Variants in RAB44 observed in about 807,000 individuals in gnomAD.
RAB44 encodes ras-related protein Rab-44.
In RAB44, 67 loss-of-function variants were observed where a neutral mutation model predicts 93.3. The ratio of observed to expected loss-of-function variants is 0.72; its 90% CI spans 0.59 to 0.88. RAB44 has a LOEUF of 0.88. RAB44 is among the 40% of genes least tolerant of loss of function. The pLI is 0.00. For synonymous variants in RAB44, 427 were observed against 520.3 expected (o/e 0.82, Z 2.44); for missense variants, 1,064 against 1,261.7 (o/e 0.84, Z 2.37).
intron 8 of RAB44, 76 bp from the exon 9 acceptor site, chr6:36,721,075 G>A (rs1763062601): frequency 1.6e-6 from 2 of 1,213,820 alleles, no homozygotes; most frequent in South Asian, 4.2e-5. Context: ...AAGGGATGGT[G>A]AGGGCTGCAG....
At chr6:36,712,897 A>C (rs1333121585) in intron 2 of RAB44, among the ~76,000 whole-genome samples, 1 of 152,220 alleles carries the variant, frequency 6.6e-6, no homozygotes, top group Non-Finnish European at 1.5e-5. Context: ...GGCCTCAGAT[A>C]AAAACACGAA....
intron 12 of RAB44, among the ~76,000 whole-genome samples, chr6:36,729,335 G>T (rs770378833): frequency 6.6e-6 from 1 of 152,056 alleles, no homozygotes; most frequent in African/African-American, 2.4e-5. Context: ...TAAAAATAGA[G>T]GGAAAAATCA....
At chr6:36,698,138 G>C (rs1762426903) in intron 1 of RAB44, among the ~76,000 whole-genome samples, 1 of 152,204 alleles carries the variant, frequency 6.6e-6, no homozygotes, top group African/African-American at 2.4e-5. Flanking sequence ...GTGTGACCTA[G>C]GGCAAGTCAC....
intron 3 of RAB44, among the ~76,000 whole-genome samples, chr6:36,714,582 G>T (rs767651665): frequency 2.0e-5 from 3 of 152,330 alleles, no homozygotes; most frequent in South Asian, 4.1e-4. Flanking sequence ...CTGCATTTGC[G>T]CTTGGGCCCA....
chr6:36,704,588 T>C, intron 2 of RAB44, 146 bp downstream of exon 2: 2 of 709,240 alleles, frequency 2.8e-6, no homozygotes, highest in Non-Finnish European at 4.6e-6. Context: ...GATGTGTTTA[T>C]ACTAATGTGA....
intron 2 of RAB44, among the ~76,000 whole-genome samples, chr6:36,706,148 C>T (rs1171462468): frequency 1.3e-5 from 2 of 152,176 alleles, no homozygotes; most frequent in Non-Finnish European, 2.9e-5. Context: ...AATCCCCCCA[C>T]CTCAGGTTTC....
chr6:36,713,958 G>C lies in RAB44; in HGVS notation c.319+19G>C. 6.9e-7 allele frequency: 1 copy of C among 1,454,048 alleles called. No homozygotes were observed. The highest frequency in any genetic ancestry group is 1.2e-5 in the South Asian group (1 of 82,444). The allele number at this position is 1,454,048 out of a possible 1,614,324, so 90.1% of individuals were successfully genotyped here. Reference sequence around the variant, plus strand: ...GGACTCAGTATGTCTGTCTTTGGAGGGCCTCTGGGCACCCAGGTGTTCCGT... The same window carrying C: ...GGACTCAGTATGTCTGTCTTTGGAGCGCCTCTGGGCACCCAGGTGTTCCGT... On this transcript the variant is annotated intron_variant, in intron 3 of 13. Transcript: ENST00000612677.
At chr6:36,714,018 T>A in intron 3 of RAB44, 79 bp downstream of exon 3, 1 of 907,190 alleles carries the variant, frequency 1.1e-6, no homozygotes, top group Non-Finnish European at 1.7e-6. Context: ...GCTGGGTCGT[T>A]AGAAAGGCAA....
In RAB44 at chr6:36,720,495, G is replaced by A. The variant is rs1763046144; in HGVS notation, c.961G>A (p.Gly321Arg). The change falls in exon 8 of 14, where the codon GGG becomes AGG. Residue 321 changes from glycine (G) to arginine (R), a missense_variant. By Grantham distance (125) the Gly-to-Arg change is moderately radical (BLOSUM62 -2). Transcript: ENST00000612677. ...EVRGQLQVTR[G>R]RLDAARGRVS... Reference sequence around the variant, plus strand: ...GCGGGGGCAGCTGCAGGTGACCAGGGGGCGCCTGGACGCCGCCAGGGGCCG... The same window carrying A: ...GCGGGGGCAGCTGCAGGTGACCAGGAGGCGCCTGGACGCCGCCAGGGGCCG... 3 of 1,233,292 alleles carry A rather than the reference G, an allele frequency of 2.4e-6. No individual in the cohort carries two copies. Among genetic ancestry groups the A allele is most frequent in the Non-Finnish European group, 1.0e-6 (1 of 988,298 alleles). 76.4% of individuals were successfully genotyped at this position (1,233,292 alleles called of 1,614,324 possible).
At chr6:36,708,169 G>A (rs745851769) in intron 2 of RAB44, among the ~76,000 whole-genome samples, 13 of 151,428 alleles carry the variant, frequency 8.6e-5, no homozygotes, top group African/African-American at 2.7e-4. Flanking sequence ...CCATGATCAC[G>A]CCACTGCACA....
intron 2 of RAB44, 98 bp downstream of exon 2, chr6:36,704,540 C>A (rs766029793): frequency 1.6e-5 from 18 of 1,119,192 alleles, no homozygotes; most frequent in Admixed American, 4.2e-5. Context: ...GCTACCCCTG[C>A]CCCTTTCTCT....
intron 12 of RAB44, among the ~76,000 whole-genome samples, chr6:36,730,317 A>G (rs888813249): frequency 2.6e-4 from 40 of 152,208 alleles, no homozygotes; most frequent in African/African-American, 9.7e-4. Context: ...TATATCTTCC[A>G]ATATTCCCCC....
In RAB44 at chr6:36,722,334, C is replaced by T. The variant is rs537050099; in HGVS notation, c.2200C>T (p.Pro734Ser). Residue 734 changes from proline (P) to serine (S), a missense_variant, in exon 9 of 14, where the codon CCC (proline) becomes TCC (serine). By Grantham distance (74) the Pro-to-Ser change is moderately conservative. Coordinates refer to ENST00000612677, the MANE Select transcript of RAB44 (RefSeq NM_001257357.2). ...TPQAQVEAEG[P>S]TPGKSAPPRG... ...ACAGGCTCAGGTGGAAGCAGAAGGC[C>T]CCACTCCTGGAAAATCGGCACCTCC... The T allele has an allele frequency of 1.8e-5, 24 of 1,343,328 alleles. No homozygotes were observed. Among genetic ancestry groups the T allele is most frequent in the Non-Finnish European group, 2.3e-5 (24 of 1,048,970 alleles). The allele number at this position is 1,343,328 out of a possible 1,614,324, so 83.2% of individuals were successfully genotyped here. A position where few individuals can be genotyped will look rare whatever the true frequency, so the allele number is the denominator to read the frequency against.
intron 2 of RAB44, among the ~76,000 whole-genome samples, chr6:36,711,518 C>T (rs1217578809): frequency 6.6e-6 from 1 of 152,088 alleles, no homozygotes; most frequent in East Asian, 1.9e-4. Flanking sequence ...GGACCTGGCT[C>T]CTGAAAAATT....
At position 36,706,993 on chromosome 6, in the gene RAB44, G is replaced by C. The variant is rs555305862; in HGVS notation, c.207+2551G>C. 5.3e-5 allele frequency among the ~76,000 whole-genome samples: 8 copies of C among 152,240 alleles called. No homozygotes were observed. In the South Asian group the frequency reaches 1.7e-3, roughly 32 times the overall value. ...ATTGTGAGGGGGTCAGTGAGATTCA[G>C]ATACCACTTGAAATGTTGAATATCA... On this transcript the variant is annotated intron_variant, in intron 2 of 13. Transcript: ENST00000612677.
chr6:36,728,614 G>A, intron 11 of RAB44, 86 bp from the exon 12 acceptor site: 2 of 1,052,236 alleles, frequency 1.9e-6, no homozygotes, highest in Non-Finnish European at 2.9e-6. Context: ...AACATGCGGG[G>A]GACACAGTTC....
At position 36,720,404 on chromosome 6, in the gene RAB44, G is replaced by T; in HGVS notation, c.870G>T (p.Glu290Asp). Residue 290 changes from glutamate (E) to aspartate (D), a missense_variant, in exon 8 of 14, where the codon GAG becomes GAT. By Grantham distance (45) the Glu-to-Asp change is conservative. Coordinates refer to ENST00000612677, the MANE Select transcript of RAB44 (RefSeq NM_001257357.2). The part of the protein sequence containing the change: ...QLSHLRSTHQ[E>D]AASENQQLQE... ...CCCACCTCAGGAGCACACATCAGGA[G>T]GCTGCCTCAGAGAACCAGCAGCTGC... 2 of 1,232,582 alleles carry T rather than the reference G, an allele frequency of 1.6e-6. No homozygotes were observed. Among genetic ancestry groups the T allele is most frequent in the Non-Finnish European group, 2.0e-6 (2 of 988,246 alleles). 76.4% of individuals were successfully genotyped at this position (1,232,582 alleles called of 1,614,324 possible). A position where few individuals can be genotyped will look rare whatever the true frequency, so the allele number is the denominator to read the frequency against.
At position 36,720,432 on chromosome 6, in the gene RAB44, G is replaced by A. The variant is rs534250346; in HGVS notation, c.898G>A (p.Glu300Lys). The A allele has an allele frequency of 4.5e-5, 55 of 1,232,584 alleles. No homozygotes were observed. Among genetic ancestry groups the A allele is most frequent in the Non-Finnish European group, 5.3e-5 (52 of 988,272 alleles). 76.4% of individuals were successfully genotyped at this position (1,232,584 alleles called of 1,614,324 possible). ...EAASENQQLQ[E>K]AKRDLAGRLE... ...TGCCTCAGAGAACCAGCAGCTGCAG[G>A]AGGCCAAGCGTGACCTGGCTGGGCG... The change falls in exon 8 of 14, where the codon GAG (glutamate) becomes AAG (lysine). Residue 300 changes from glutamate to lysine, a missense_variant. Physicochemically the swap from Glu to Lys is moderately conservative, Grantham distance 56 (BLOSUM62 1). Transcript: ENST00000612677.
chr6:36,700,202 G>A (rs1440626813), intron 1 of RAB44, among the ~76,000 whole-genome samples: 6 of 152,192 alleles, frequency 3.9e-5, no homozygotes, highest in Non-Finnish European at 8.8e-5. Flanking sequence ...CATCCCCGTG[G>A]GAGAGATATT....
Sources: allele counts gnomAD v4.1 joint callset (sites outside exome capture counted in the v4.1 genomes callset), GRCh38; gene constraint gnomAD v4.1.1; transcripts MANE v1.5; gene names NCBI Gene and HGNC (gene_info 2026-07-23, HGNC 2026-07-21).